The following BTAF1 variants were observed in gnomAD, a reference collection of about 807,000 sequenced individuals.
BTAF1 encodes B-TFIID TATA-box binding protein associated factor 1.
BTAF1 carries 38 observed loss-of-function variants against 227.1 expected under a neutral mutation model. The observed-to-expected ratio is 0.17, with a 90% CI of 0.13 to 0.22. The LOEUF is 0.22. BTAF1 is among the 10% of genes least tolerant of loss of function. The pLI is 1.00. For missense variants in BTAF1, 1,598 were observed against 2,204.0 expected (o/e 0.73, Z 5.51); for synonymous variants, 742 against 751.9 (o/e 0.99, Z 0.21).
intron 3 of BTAF1, among the ~76,000 whole-genome samples, chr10:91,940,568 T>A (rs1337149982): frequency 1.3e-5 from 2 of 152,184 alleles, no homozygotes; most frequent in African/African-American, 2.4e-5. Flanking sequence ...AATTACATGC[T>A]TTTGAAAAGC....
At chr10:91,989,100 G>A (rs1848585730) in intron 19 of BTAF1, 54 bp from the exon 20 acceptor site, 1 of 1,449,540 alleles carries the variant, frequency 6.9e-7, no homozygotes, top group African/African-American at 1.4e-5. Flanking sequence ...GGAGCTTACA[G>A]TCTATTTGGG....
chr10:91,951,763 C>T (rs567338277), intron 5 of BTAF1, among the ~76,000 whole-genome samples, 197 bp downstream of exon 5: 1 of 152,210 alleles, frequency 6.6e-6, no homozygotes, highest in South Asian at 2.1e-4. Flanking sequence ...AACCTACCTC[C>T]CAGACACTGG....
At chr10:92,009,660 T>C (rs2134109069) in intron 28 of BTAF1, among the ~76,000 whole-genome samples, 1 of 152,266 alleles carries the variant, frequency 6.6e-6, no homozygotes, top group South Asian at 2.1e-4. Context: ...ACATAGTGAG[T>C]TCCCCTCTCT....
intron 36 of BTAF1, 89 bp downstream of exon 36, chr10:92,026,840 T>G (rs935099180): frequency 1.4e-5 from 19 of 1,386,570 alleles, no homozygotes; most frequent in Non-Finnish European, 1.8e-5. Context: ...TAGTTCTTGC[T>G]CTGGTGTTAA....
At chr10:91,944,645 T>G (rs1312390614) in intron 4 of BTAF1, among the ~76,000 whole-genome samples, 1 of 152,254 alleles carries the variant, frequency 6.6e-6, no homozygotes. Flanking sequence ...TGTGTAACTA[T>G]CACCACAATT....
rs10583654 is a variant in BTAF1 at position 91,950,158 on chromosome 10, C to T, written c.401-1245C>T. On this transcript the variant is annotated intron_variant, in intron 4 of 37. Coordinates refer to ENST00000265990, the MANE Select transcript of BTAF1 (RefSeq NM_003972.3). ...AGACCTTGTCCTTTGTGGGGGGGGG[C>T]GGGAAAGAAGACTAGGTTTTTAATT... Among the ~76,000 whole-genome samples, 16 of 45,052 alleles carry T rather than the reference C, an allele frequency of 3.6e-4. 2 individuals carry two copies. Among genetic ancestry groups the T allele is most frequent in the African/African-American group, 8.6e-4 (8 of 9,338 alleles). 29.6% of individuals were successfully genotyped at this position (45,052 alleles called of 152,430 possible).
In BTAF1 at chr10:91,997,690, A is replaced by G. The variant is rs561368862; in HGVS notation, c.3599A>G (p.Asp1200Gly). 2.5e-6 allele frequency: 4 copies of G among 1,614,112 alleles called. No homozygotes were observed. Among genetic ancestry groups the G allele is most frequent in the Admixed American group, 3.3e-5 (2 of 60,032 alleles). Residue 1200 changes from aspartate to glycine, a missense_variant, in exon 25 of 38, where the codon GAC becomes GGC. Around this residue, in one of 10 missense-constraint regions of BTAF1, gnomAD observed 425 missense variants for 491.2 expected, o/e 0.87. Transcript: ENST00000265990. ...PVLGRMSDQT[D>G]SVRFMATQCF... ...TTAGGAAGAATGAGTGATCAGACAG[A>G]CAGTGTGAGATTCATGGCCACGCAG...
At chr10:92,016,997 A>G (rs962926111) in intron 33 of BTAF1, among the ~76,000 whole-genome samples, 1 of 152,236 alleles carries the variant, frequency 6.6e-6, no homozygotes. Flanking sequence ...GGGCTTTAGA[A>G]TAGAGAATCT....
At position 91,960,141 on chromosome 10, in the gene BTAF1, T is replaced by G. The variant is rs1846398270; in HGVS notation, c.1250T>G (p.Leu417Trp). 1 of 1,612,582 alleles carries G rather than the reference T, an allele frequency of 6.2e-7. No homozygotes were observed. Among genetic ancestry groups the G allele is most frequent in the African/African-American group, 1.3e-5 (1 of 74,892 alleles). ...GGTCTGCTGGGAATAAAATATGCTT[T>G]GGCAGTCCGTCAGGTAAATATTTCA... Reference protein sequence around the residue: ...HGGLLGIKYALAVRQDVINTL... With the variant: ...HGGLLGIKYAWAVRQDVINTL... Residue 417 changes from leucine to tryptophan, a missense_variant, in exon 11 of 38, where the codon TTG becomes TGG. Coordinates refer to ENST00000265990, the MANE Select transcript of BTAF1 (RefSeq NM_003972.3).
chr10:91,982,791 C>T, intron 18 of BTAF1, 30 bp downstream of exon 18: 1 of 1,550,978 alleles, frequency 6.4e-7, no homozygotes, highest in Admixed American at 1.9e-5. Context: ...GTAATAAAGA[C>T]AAATTAAGTA....
chr10:92,017,458 G>A (rs180891579), intron 33 of BTAF1, among the ~76,000 whole-genome samples: 198 of 152,194 alleles, frequency 1.3e-3, no homozygotes, highest in Admixed American at 2.3e-3. Context: ...AAGTACTGTA[G>A]CATTTTTAAA....
Position 91,996,362 on chromosome 10 carries a change from T to G in BTAF1, c.3310-7T>G. On this transcript the variant is annotated splice_polypyrimidine_tract_variant and splice_region_variant and intron_variant, in intron 23 of 37. Transcript: ENST00000265990. ...AATTCTAATTGCCATTAACTTTTTG[T>G]TTTTAGTTGGTCCAGCATTTGCCAC... 6.2e-7 allele frequency: 1 copy of G among 1,612,726 alleles called. No individual in the cohort carries two copies. The highest frequency in any genetic ancestry group is 8.5e-7 in the Non-Finnish European group (1 of 1,179,116).
In BTAF1 at chr10:91,923,890, C is replaced by T. The variant is rs1487132571; in HGVS notation, c.-187C>T. 4 of 618,312 alleles carry T rather than the reference C, an allele frequency of 6.5e-6. No homozygotes were observed. The highest frequency in any genetic ancestry group is 2.0e-5 in the African/African-American group (1 of 51,278). The allele number at this position is 618,312 out of a possible 1,614,324, so 38.3% of individuals were successfully genotyped here. On this transcript the variant is annotated 5_prime_UTR_variant, in exon 1 of 38. Coordinates refer to ENST00000265990, the MANE Select transcript of BTAF1 (RefSeq NM_003972.3). The stretch of plus-strand genomic sequence containing the variant: ...TCTTGGACCCCTGCTTACCGGCCGC[C>T]GCGGGGACGAGCTCGGGTAGGCGGC...
rs747772641 is a variant in BTAF1, at chr10:91,957,230, T to C, written c.837T>C (p.Asn279=). 29 of 1,612,370 alleles carry C rather than the reference T, an allele frequency of 1.8e-5. No homozygotes were observed. In the Admixed American group the frequency reaches 4.8e-4, roughly 27 times the overall value. ...ATTCTGTTTTTCTTATTCAGACAAA[T>C]GAATGGCCTTTGGAAAGCTTTTGTG... ...PDSSSLIEET[N]EWPLESFCEE... The change falls in exon 8 of 38, where the codon AAT becomes AAC. Residue 279 remains asparagine (N), a synonymous_variant. Coordinates refer to ENST00000265990, the MANE Select transcript of BTAF1 (RefSeq NM_003972.3).
chr10:92,008,732 ATTTTT>A (rs1170128091), intron 26 of BTAF1, 92 bp from the exon 27 acceptor site: 1 of 1,147,266 alleles, frequency 8.7e-7, no homozygotes, highest in Non-Finnish European at 1.2e-6. Flanking sequence ...ATATAGAAAT[ATTTTT>A]GTTTTGTGCA....
rs113391418 is a variant in BTAF1, at chr10:91,994,990, A to G, written c.3309+346A>G. On this transcript the variant is annotated intron_variant, in intron 23 of 37. Transcript: ENST00000265990. ...TACAGCTCCAAGAAAGGAAAAGCAT[A>G]TATAATGAAATCTGTTTCCTAGATA... 7.0e-3 allele frequency among the ~76,000 whole-genome samples: 1,059 copies of G among 152,328 alleles called. 12 individuals are homozygous for G. Among genetic ancestry groups the G allele is most frequent in the African/African-American group, 0.024 (998 of 41,586 alleles).
chr10:91,926,665 A>T (rs1302258388), intron 1 of BTAF1, among the ~76,000 whole-genome samples: 1 of 152,196 alleles, frequency 6.6e-6, no homozygotes, highest in Non-Finnish European at 1.5e-5. Flanking sequence ...GGAAGTACTC[A>T]TCTCCTTGAA....
chr10:91,931,010 A>G (rs1210735918), intron 1 of BTAF1, among the ~76,000 whole-genome samples: 3 of 152,186 alleles, frequency 2.0e-5, no homozygotes, highest in African/African-American at 7.2e-5. Context: ...GTGGAAATAC[A>G]GTATGTATTT....
chr10:91,999,077 A>C (rs1290931146), intron 25 of BTAF1, among the ~76,000 whole-genome samples: 1 of 151,770 alleles, frequency 6.6e-6, no homozygotes, highest in Non-Finnish European at 1.5e-5. Context: ...AAAAAAAAAA[A>C]AAATTAAGTT....
Sources: allele counts gnomAD v4.1 joint callset (sites outside exome capture counted in the v4.1 genomes callset), GRCh38; gene constraint gnomAD v4.1.1; regional missense constraint gnomAD v4.1.1; transcripts MANE v1.5; gene names NCBI Gene and HGNC (gene_info 2026-07-23, HGNC 2026-07-21).